Variants in PTPRD observed in about 807,000 individuals in gnomAD.
PTPRD encodes protein tyrosine phosphatase receptor type D.
Under a neutral mutation model 214.5 loss-of-function variants are expected in PTPRD, and 34 were observed. The ratio of observed to expected loss-of-function variants is 0.16; its 90% CI spans 0.12 to 0.21. The LOEUF (loss-of-function observed/expected upper bound fraction) is 0.21, where lower values mean the gene tolerates loss of function less well. Among genes scored for constraint, PTPRD ranks in the 10% least tolerant of loss-of-function variants. PTPRD has a pLI of 1.00. For synonymous variants in PTPRD, 1,128 were observed against 845.7 expected (o/e 1.33, Z -5.79); for missense variants, 2,545 against 2,398.7 (o/e 1.06, Z -1.27).
At position 8,517,985 on chromosome 9, in the gene PTPRD, T is replaced by C. The variant is rs1564005696; in HGVS notation, c.1406A>G (p.His469Arg). ...AGTGATTTGGCTGTCAGCTACATTGTGTTTCATCCAGTTGTTGACATGTTG... is the reference window on the plus strand; with the variant it reads ...AGTGATTTGGCTGTCAGCTACATTGCGTTTCATCCAGTTGTTGACATGTTG... ...PTQHVNNWMK[H>R]NVADSQITTI... Residue 469 changes from histidine to arginine, a missense_variant, in exon 21 of 46, where the codon CAC (histidine) becomes CGC (arginine). His to Arg is a conservative substitution (Grantham distance 29, BLOSUM62 0). Transcript: ENST00000381196. The C allele has an allele frequency of 6.2e-7, 1 of 1,614,108 alleles. No individual in the cohort carries two copies. Among genetic ancestry groups the C allele is most frequent in the Admixed American group, 1.7e-5 (1 of 60,010 alleles).
intron 11 of PTPRD, among the ~76,000 whole-genome samples, chr9:8,929,884 T>C (rs1200816789): frequency 1.3e-5 from 1 of 77,214 alleles, no homozygotes; most frequent in Non-Finnish European, 2.7e-5. Flanking sequence ...TGTATATATG[T>C]GTGTGTATAT....
chr9:8,497,672 GAT>G (rs2097306459), intron 25 of PTPRD, among the ~76,000 whole-genome samples: 1 of 152,094 alleles, frequency 6.6e-6, no homozygotes, highest in Admixed American at 6.6e-5. Flanking sequence ...AGTCCTGTGA[GAT>G]GTAATGAAAT....
intron 2 of PTPRD, among the ~76,000 whole-genome samples, chr9:10,385,704 G>T (rs1042054166): frequency 6.6e-6 from 1 of 151,550 alleles, no homozygotes; most frequent in African/African-American, 2.4e-5. Context: ...TTCACTTATG[G>T]CTTATCATAA....
chr9:8,774,126 C>A (rs964250797), intron 11 of PTPRD, among the ~76,000 whole-genome samples: 3 of 152,132 alleles, frequency 2.0e-5, no homozygotes, highest in African/African-American at 7.2e-5. Flanking sequence ...GATATGTTTC[C>A]TCATTTGTAA....
intron 9 of PTPRD, among the ~76,000 whole-genome samples, chr9:9,297,293 T>C (rs943208475): frequency 6.6e-6 from 1 of 151,662 alleles, no homozygotes; most frequent in Non-Finnish European, 1.5e-5. Context: ...CTGCAATCTT[T>C]ATAGGCCAGA....
chr9:9,786,824 A>T (rs942671877), intron 5 of PTPRD, among the ~76,000 whole-genome samples: 11 of 152,264 alleles, frequency 7.2e-5, no homozygotes, highest in African/African-American at 2.6e-4. Context: ...CCATCTTAAT[A>T]CTAATTTTTA....
At chr9:8,530,090 G>C (rs1275215390) in intron 14 of PTPRD, among the ~76,000 whole-genome samples, 1 of 152,024 alleles carries the variant, frequency 6.6e-6, no homozygotes, top group Non-Finnish European at 1.5e-5. Flanking sequence ...ACAAGCTCCA[G>C]TATAATCCAT....
chr9:9,593,221 C>A (rs1339408463), intron 7 of PTPRD, among the ~76,000 whole-genome samples: 1 of 150,738 alleles, frequency 6.6e-6, no homozygotes, highest in African/African-American at 2.4e-5. Context: ...TTGTTTTTCC[C>A]CCCCCTCAAA....
chr9:10,521,458 A>G (rs975698508), intron 2 of PTPRD, among the ~76,000 whole-genome samples: 4 of 152,164 alleles, frequency 2.6e-5, no homozygotes, highest in African/African-American at 9.7e-5. Context: ...AAAGACAATA[A>G]ATGATTAGAA....
At chr9:8,400,676 G>C (rs1589520411) in intron 36 of PTPRD, among the ~76,000 whole-genome samples, 1 of 152,174 alleles carries the variant, frequency 6.6e-6, no homozygotes, top group East Asian at 1.9e-4. Context: ...GGAAGACCCA[G>C]ACCAGGAATC....
intron 8 of PTPRD, among the ~76,000 whole-genome samples, chr9:9,464,090 G>C (rs10977783): frequency 0.49 from 74,905 of 151,988 alleles, 19,117 homozygotes; most frequent in East Asian, 0.68. Flanking sequence ...TGAAGAGATG[G>C]ATTTGAGTCT....
intron 3 of PTPRD, among the ~76,000 whole-genome samples, chr9:10,220,809 T>C (rs904524295): frequency 3.2e-4 from 48 of 151,940 alleles, no homozygotes; most frequent in African/African-American, 1.2e-3. Flanking sequence ...TTCCTTTTGC[T>C]AAACTTATAA....
At chr9:8,789,613 G>A (rs1337345335) in intron 11 of PTPRD, among the ~76,000 whole-genome samples, 1 of 152,158 alleles carries the variant, frequency 6.6e-6, no homozygotes, top group Non-Finnish European at 1.5e-5. Flanking sequence ...GGGCATTTAA[G>A]AGGTGGTTTA....
At chr9:10,106,734 T>C (rs1385011451) in intron 3 of PTPRD, among the ~76,000 whole-genome samples, 2 of 151,966 alleles carry the variant, frequency 1.3e-5, no homozygotes, top group Admixed American at 1.3e-4. Flanking sequence ...TGTCTTTCTC[T>C]TTCTTTTTTA....
At chr9:9,707,161 G>C (rs1462292517) in intron 7 of PTPRD, among the ~76,000 whole-genome samples, 3 of 152,060 alleles carry the variant, frequency 2.0e-5, no homozygotes, top group African/African-American at 7.2e-5. Flanking sequence ...TTGTATATCG[G>C]TAATATTTTT....
chr9:9,047,575 G>C (rs1020982240), intron 10 of PTPRD, among the ~76,000 whole-genome samples: 9 of 152,010 alleles, frequency 5.9e-5, no homozygotes, highest in African/African-American at 2.2e-4. Context: ...ACAGAATAGA[G>C]AATCCAGAAA....
intron 7 of PTPRD, among the ~76,000 whole-genome samples, chr9:9,597,213 G>A (rs1007668520): frequency 2.6e-5 from 4 of 151,882 alleles, no homozygotes; most frequent in African/African-American, 7.3e-5. Flanking sequence ...AAGAGAAAAG[G>A]CCAACAGATA....
At chr9:8,935,818 C>A (rs962542004) in intron 11 of PTPRD, among the ~76,000 whole-genome samples, 5 of 152,170 alleles carry the variant, frequency 3.3e-5, no homozygotes, top group Non-Finnish European at 1.5e-5. Flanking sequence ...TCATAATCCC[C>A]CTTTCCCTTT....
At position 8,742,737 on chromosome 9, in the gene PTPRD, G is replaced by A. The variant is rs189898602; in HGVS notation, c.-103-8791C>T. Among the ~76,000 whole-genome samples the A allele has an allele frequency of 2.5e-3, 378 of 152,222 alleles. 1 individual carries two copies. Among genetic ancestry groups the A allele is most frequent in the African/African-American group, 8.0e-3 (333 of 41,554 alleles). ...AGGATTATTTTAAGAATAAAGTGAAGGACCTTTTAATTGTTTTTTAAATAG... is the reference window on the plus strand; with the variant it reads ...AGGATTATTTTAAGAATAAAGTGAAAGACCTTTTAATTGTTTTTTAAATAG... On this transcript the variant is annotated intron_variant, in intron 11 of 45. Coordinates refer to ENST00000381196, the MANE Select transcript of PTPRD (RefSeq NM_002839.4).
Sources: allele counts gnomAD v4.1 joint callset (sites outside exome capture counted in the v4.1 genomes callset), GRCh38; gene constraint gnomAD v4.1.1; transcripts MANE v1.5; gene names NCBI Gene and HGNC (gene_info 2026-07-23, HGNC 2026-07-21).